Variants in KIAA1671 observed in about 807,000 individuals in gnomAD.
The protein encoded by KIAA1671 is uncharacterized protein KIAA1671.
Under a neutral mutation model 131.2 loss-of-function variants are expected in KIAA1671, and 52 were observed. The observed-to-expected ratio is 0.40, with a 90% CI of 0.32 to 0.50. The LOEUF (loss-of-function observed/expected upper bound fraction) is 0.50. Among genes scored for constraint, KIAA1671 ranks in the 20% least tolerant of loss-of-function variants. KIAA1671 has a pLI of 0.73. For synonymous variants in KIAA1671, 1,003 were observed against 961.6 expected, an observed-to-expected ratio of 1.04 and a Z score of -0.80; for missense variants, 2,360 against 2,364.2, an observed-to-expected ratio of 1.00 and a Z score of 0.04.
chr22:25,039,458 G>A lies in KIAA1671; in HGVS notation c.2328G>A (p.Glu776=), dbSNP rs1025249697. 9 of 1,551,694 alleles carry A rather than the reference G, an allele frequency of 5.8e-6. No homozygotes were observed. The African/African-American group carries it at 9.6e-5, about 17-fold the overall frequency. ...TGAAGGACAGGCAGCTGTCCCAGGA[G>A]GTCACCCCTGCTGACCTGGAGTGTG... is the stretch of plus-strand genomic sequence containing the variant. ...LSLKDRQLSQ[E]VTPADLECGL... is the part of the protein sequence containing the mutation. The change falls in exon 5 of 13, where the codon GAG becomes GAA. Residue 776 remains glutamate (E), a synonymous_variant. Coordinates refer to ENST00000358431, the MANE Select transcript of KIAA1671 (RefSeq NM_001145206.2).
In KIAA1671 at chr22:25,093,838, GTCTCTC is replaced by G. The variant is rs56200570; in HGVS notation, c.4530+44517_4530+44522del. Among the ~76,000 whole-genome samples the G allele has an allele frequency of 7.1e-3, 139 of 19,620 alleles. 5 individuals carry two copies. The highest frequency in any genetic ancestry group is 0.038 in the Admixed American group (72 of 1,898). The allele number at this position is 19,620 out of a possible 152,430, so 12.9% of individuals were successfully genotyped here. A position where few individuals can be genotyped will look rare whatever the true frequency, so the allele number is the denominator to read the frequency against. On this transcript the variant is annotated intron_variant, in intron 6 of 12. Coordinates refer to ENST00000358431, the MANE Select transcript of KIAA1671 (RefSeq NM_001145206.2). The stretch of plus-strand genomic sequence containing the variant: ...TCTCTCTCTCTTTCTCTCTCTGTCT[GTCTCTC>G]TCTCTCTCTCTCTCTCTCTCTCTCT...
intron 6 of KIAA1671, among the ~76,000 whole-genome samples, chr22:25,075,855 A>G (rs1601288180): frequency 6.7e-6 from 1 of 149,258 alleles, no homozygotes; most frequent in Admixed American, 6.7e-5. Context: ...GACTCACTGC[A>G]ACCTCCTCCT....
At chr22:25,165,733 G>A (rs1454854414) in intron 6 of KIAA1671, among the ~76,000 whole-genome samples, 1 of 152,216 alleles carries the variant, frequency 6.6e-6, no homozygotes, top group Non-Finnish European at 1.5e-5. Flanking sequence ...GGGTAGGACG[G>A]TGGGAAAGTT....
intron 6 of KIAA1671, among the ~76,000 whole-genome samples, chr22:25,169,260 A>T (rs9612881): frequency 0.072 from 11,005 of 151,840 alleles, 494 homozygotes; most frequent in Middle Eastern, 0.1. Context: ...CTACAAAAAA[A>T]TTTTTTTAAA....
At chr22:25,031,190 C>A (rs59432858) in intron 3 of KIAA1671, among the ~76,000 whole-genome samples, 1 of 146,802 alleles carries the variant, frequency 6.8e-6, no homozygotes, top group African/African-American at 2.5e-5. Context: ...CCACACCCAG[C>A]TAATTTTTTT....
chr22:25,097,796 A>G (rs1207128271), intron 6 of KIAA1671, among the ~76,000 whole-genome samples: 3 of 152,162 alleles, frequency 2.0e-5, no homozygotes, highest in South Asian at 2.1e-4. Context: ...AAGGTATGAC[A>G]GAGACTGCAT....
intron 6 of KIAA1671, chr22:25,070,551 T>C (rs1434398007): frequency 2.5e-6 from 1 of 400,708 alleles, no homozygotes; most frequent in Non-Finnish European, 4.5e-6. Context: ...TGGTGGAGGT[T>C]ACAAGGAAGA....
chr22:25,031,874 G>A (rs1186036160), intron 3 of KIAA1671, among the ~76,000 whole-genome samples: 1 of 152,180 alleles, frequency 6.6e-6, no homozygotes, highest in Non-Finnish European at 1.5e-5. Flanking sequence ...ACAGACCCTG[G>A]GTTGCTGAGT....
intron 6 of KIAA1671, among the ~76,000 whole-genome samples, chr22:25,073,257 G>T (rs1928923054): frequency 1.3e-5 from 2 of 151,960 alleles, no homozygotes; most frequent in Admixed American, 1.3e-4. Flanking sequence ...TTATAGAGAT[G>T]TGGCCTCACT....
Position 25,181,615 on chromosome 22 carries a change from G to A in KIAA1671, c.5075-84G>A, listed in dbSNP as rs1039368781. On this transcript the variant is annotated intron_variant, in intron 9 of 12. Transcript: ENST00000358431. ...CAGGTCTGATGTGAGCATTGCATGA[G>A]ATACTGTGTGCAAATTATCTGGCAT... is the stretch of plus-strand genomic sequence containing the variant. The A allele has an allele frequency of 2.5e-5, 37 of 1,504,206 alleles. No homozygotes were observed. In the East Asian group the frequency reaches 3.7e-4, roughly 15 times the overall value. The allele number at this position is 1,504,206 out of a possible 1,614,324, so 93.2% of individuals were successfully genotyped here.
chr22:25,069,333 A>T (rs1024802357), intron 6 of KIAA1671, among the ~76,000 whole-genome samples: 1 of 152,206 alleles, frequency 6.6e-6, no homozygotes, highest in African/African-American at 2.4e-5. Context: ...TGCTAAAATC[A>T]TGCTCTTTTG....
chr22:24,994,570 C>A (rs940966771), intron 1 of KIAA1671, among the ~76,000 whole-genome samples: 1 of 152,082 alleles, frequency 6.6e-6, no homozygotes. Context: ...TCCCAGGCAC[C>A]CTGTGGTGCC....
At chr22:24,973,421 C>T (rs6004379) in intron 1 of KIAA1671, among the ~76,000 whole-genome samples, 23,041 of 100,924 alleles carry the variant, frequency 0.23, 2,523 homozygotes, top group Middle Eastern at 0.42. Context: ...TTTTTTGAGA[C>T]GGAGTCTCGC....
At chr22:25,098,706 A>G (rs572374346) in intron 6 of KIAA1671, among the ~76,000 whole-genome samples, 33 of 152,210 alleles carry the variant, frequency 2.2e-4, no homozygotes, top group African/African-American at 7.7e-4. Flanking sequence ...CCCAAGGTCT[A>G]GGACTCTGAG....
rs1406450303 is a variant in KIAA1671, at chr22:25,041,278, G to T, written c.4148G>T (p.Gly1383Val). ...KGTPRKSTGR[G>V]EEDSVAQWGD... ...ACCCCAAGGAAATCCACCGGGCGGG[G>T]AGAGGAGGACAGTGTGGCCCAGTGG... Residue 1383 changes from glycine to valine, a missense_variant, in exon 5 of 13, where the codon GGA becomes GTA. Transcript: ENST00000358431. 11 of 1,551,786 alleles carry T rather than the reference G, an allele frequency of 7.1e-6. No homozygotes were observed. The South Asian group carries it at 1.3e-4, about 18-fold the overall frequency.
At chr22:25,033,831 C>T (rs1158653241) in intron 4 of KIAA1671, among the ~76,000 whole-genome samples, 4 of 151,866 alleles carry the variant, frequency 2.6e-5, no homozygotes, top group East Asian at 1.9e-4. Flanking sequence ...CTGCCCGCTT[C>T]GGCCTCCCAA....
intron 1 of KIAA1671, among the ~76,000 whole-genome samples, chr22:24,974,872 T>C (rs546555752): frequency 6.6e-6 from 1 of 152,170 alleles, no homozygotes; most frequent in South Asian, 2.1e-4. Flanking sequence ...TTTTGTATTT[T>C]TAGTAGAGGT....
At chr22:25,171,198 G>A (rs540701038) in intron 7 of KIAA1671, among the ~76,000 whole-genome samples, 85 of 152,166 alleles carry the variant, frequency 5.6e-4, no homozygotes, top group African/African-American at 2.0e-3. Context: ...TCAGGAGTTC[G>A]AGACCAGACT....
intron 6 of KIAA1671, chr22:25,070,432 C>G (rs935538881): frequency 2.1e-6 from 1 of 469,736 alleles, no homozygotes; most frequent in Non-Finnish European, 3.9e-6. Flanking sequence ...TGGCGGGGGG[C>G]AGTGCAGGCT....
Sources: allele counts gnomAD v4.1 joint callset (sites outside exome capture counted in the v4.1 genomes callset), GRCh38; gene constraint gnomAD v4.1.1; transcripts MANE v1.5; gene names NCBI Gene and HGNC (gene_info 2026-07-23, HGNC 2026-07-21).